BRAF: variants seen among roughly 807,000 people sequenced by gnomAD.
The protein encoded by BRAF is B-Raf proto-oncogene, serine/threonine kinase, also known as serine/threonine-protein kinase B-raf.
Under a neutral mutation model 104.6 loss-of-function variants are expected in BRAF, and 16 were observed. The ratio of observed to expected loss-of-function variants is 0.15; its 90% confidence interval spans 0.10 to 0.23. BRAF has a LOEUF of 0.23. BRAF is among the 10% of genes least tolerant of loss of function. BRAF has a pLI of 1.00. For missense variants in BRAF, 541 were observed against 937.3 expected (o/e 0.58, Z 5.52); for synonymous variants, 310 against 341.6 (o/e 0.91, Z 1.02).
chr7:140,781,413 C>T (rs1213222555), intron 12 of BRAF, 163 bp downstream of exon 11: 1 of 711,466 alleles, frequency 1.4e-6, no homozygotes, highest in African/African-American at 1.8e-5. Flanking sequence ...TTTTTATTTC[C>T]CATAATTTTT....
intron 1 of BRAF, among the ~76,000 whole-genome samples, chr7:140,905,181 A>G (rs1387321000): frequency 6.6e-6 from 1 of 152,208 alleles, no homozygotes; most frequent in Non-Finnish European, 1.5e-5. Context: ...TGTTATACAA[A>G]TATTTTATAT....
At chr7:140,879,051 T>G (rs953330298) in intron 1 of BRAF, among the ~76,000 whole-genome samples, 2 of 151,924 alleles carry the variant, frequency 1.3e-5, no homozygotes, top group Non-Finnish European at 2.9e-5. Flanking sequence ...ATTTTTTTTG[T>G]ATTTTTAGTA....
At chr7:140,876,239 T>C (rs1812251804) in intron 1 of BRAF, among the ~76,000 whole-genome samples, 1 of 152,220 alleles carries the variant, frequency 6.6e-6, no homozygotes, top group African/African-American at 2.4e-5. Context: ...AAGAAATGAA[T>C]TTATTTTAAA....
the BRAF span, among the ~76,000 whole-genome samples, chr7:140,713,374 C>T: frequency 6.6e-6 from 1 of 152,186 alleles, no homozygotes; most frequent in Non-Finnish European, 1.5e-5. Context: ...TCTTCCATCA[C>T]TGATACCCTT....
intron 18 of BRAF, among the ~76,000 whole-genome samples, chr7:140,738,213 C>T (rs1796602362): frequency 6.6e-6 from 1 of 152,218 alleles, no homozygotes; most frequent in African/African-American, 2.4e-5. Context: ...CTTATATCTA[C>T]CCAGCCAACC....
chr7:140,833,341 A>G (rs1357314324), intron 3 of BRAF, among the ~76,000 whole-genome samples: 1 of 152,224 alleles, frequency 6.6e-6, no homozygotes, highest in Non-Finnish European at 1.5e-5. Context: ...CTGGGACTGA[A>G]GAACACATTT....
intron 2 of BRAF, among the ~76,000 whole-genome samples, chr7:140,845,246 C>A (rs1173476543): frequency 2.0e-5 from 3 of 152,008 alleles, no homozygotes; most frequent in African/African-American, 7.3e-5. Flanking sequence ...AAAATTAACT[C>A]AAAATGGATC....
At chr7:140,900,058 C>T (rs1470267907) in intron 1 of BRAF, among the ~76,000 whole-genome samples, 1 of 152,186 alleles carries the variant, frequency 6.6e-6, no homozygotes, top group Non-Finnish European at 1.5e-5. Context: ...AGCCTCAAGG[C>T]CCTAAGCCAG....
At chr7:140,777,807 A>C (rs1474729286) in intron 13 of BRAF, among the ~76,000 whole-genome samples, 184 bp downstream of exon 12, 1 of 152,234 alleles carries the variant, frequency 6.6e-6, no homozygotes, top group Non-Finnish European at 1.5e-5. Context: ...CAGCCATACC[A>C]TATAACATTG....
At chr7:140,915,044 G>A (rs1301275988) in intron 1 of BRAF, among the ~76,000 whole-genome samples, 4 of 60,260 alleles carry the variant, frequency 6.6e-5, no homozygotes, top group Non-Finnish European at 1.0e-4. Context: ...GCGAGACTCC[G>A]TCTCCAAAAA....
rs1563032137 is a variant in BRAF at position 140,909,835 on chromosome 7, ACAACAACAAC to A, written c.138+14721_138+14730del. On this transcript the variant is annotated intron_variant, in intron 1 of 19. Transcript: ENST00000644969. ...AACAACAACAACAACAACAACAACAACAACAACAACAAAAAAGTGCCTCATACACAAAATG... is the reference window on the plus strand; with the variant it reads ...AACAACAACAACAACAACAACAACAAAAAAAAGTGCCTCATACACAAAATG... 9.6e-3 allele frequency among the ~76,000 whole-genome samples: 1,463 copies of A among 151,904 alleles called. 21 individuals carry two copies. The highest frequency in any genetic ancestry group is 0.032 in the African/African-American group (1,338 of 41,340).
chr7:140,847,105 G>A (rs1424704205), intron 2 of BRAF, among the ~76,000 whole-genome samples: 1 of 152,104 alleles, frequency 6.6e-6, no homozygotes, highest in African/African-American at 2.4e-5. Flanking sequence ...AGTGAGCTGA[G>A]ATCGTGCTAC....
chr7:140,818,051 T>C (rs1805064927), intron 3 of BRAF, among the ~76,000 whole-genome samples: 1 of 151,634 alleles, frequency 6.6e-6, no homozygotes, highest in Non-Finnish European at 1.5e-5. Context: ...AACAAAAACA[T>C]TGGCTTATGG....
chr7:140,889,470 TA>T (rs1813967110), intron 1 of BRAF, among the ~76,000 whole-genome samples: 1 of 152,138 alleles, frequency 6.6e-6, no homozygotes, highest in African/African-American at 2.4e-5. Flanking sequence ...ATAGCATAAA[TA>T]AAACAGATAT....
chr7:140,912,827 C>A (rs997183680), intron 1 of BRAF, among the ~76,000 whole-genome samples: 1 of 152,150 alleles, frequency 6.6e-6, no homozygotes, highest in Non-Finnish European at 1.5e-5. Flanking sequence ...GGATTACAGG[C>A]GTGAGCCACC....
At chr7:140,850,083 T>A in intron 2 of BRAF, 28 bp downstream of exon 2, 1 of 1,481,608 alleles carries the variant, frequency 6.7e-7, no homozygotes, top group Non-Finnish European at 9.4e-7. Flanking sequence ...CTTTTCAAAA[T>A]TACTAGATAT....
chr7:140,727,677 G>C (rs1158462805), intron 19 of BRAF, among the ~76,000 whole-genome samples: 1 of 151,762 alleles, frequency 6.6e-6, no homozygotes, highest in Non-Finnish European at 1.5e-5. Flanking sequence ...CTGGAGTGCA[G>C]TGGTGCGATC....
Position 140,737,798 on chromosome 7 carries a change from C to T in BRAF, c.2247+2014G>A, listed in dbSNP as rs116214849. On this transcript the variant is annotated intron_variant, in intron 18 of 19. Coordinates refer to ENST00000644969, the MANE Select transcript of BRAF (RefSeq NM_001374258.1). ...TAACAGTATGGTGTGAAAAGATATC[C>T]TGTAACAAAAATTTCAAAATAACAC... Among the ~76,000 whole-genome samples the T allele has an allele frequency of 9.6e-3, 1,465 of 152,190 alleles. 23 individuals are homozygous for T. Among genetic ancestry groups the T allele is most frequent in the African/African-American group, 0.033 (1,378 of 41,520 alleles).
intron 1 of BRAF, among the ~76,000 whole-genome samples, chr7:140,902,681 C>T (rs1233412278): frequency 2.6e-5 from 4 of 152,144 alleles, no homozygotes; most frequent in Non-Finnish European, 4.4e-5. Context: ...GCCTATAATC[C>T]CAGCATTTTC....
Sources: gnomAD v4.1 joint callset for allele counts (sites outside exome capture counted in the v4.1 genomes callset) on GRCh38, gnomAD v4.1.1 for gene constraint, MANE v1.5 for transcripts, NCBI Gene and HGNC (gene_info 2026-07-23, HGNC 2026-07-21) for gene names.